IL1RAPL1: variants seen among roughly 807,000 people sequenced by gnomAD.
The protein encoded by IL1RAPL1 is interleukin-1 receptor accessory protein-like 1.
IL1RAPL1 carries 3 observed loss-of-function variants against 48.4 expected under a neutral mutation model. The ratio of observed to expected loss-of-function variants is 0.06; its 90% CI spans 0.03 to 0.16. IL1RAPL1 has a LOEUF of 0.16. Among genes scored for constraint, IL1RAPL1 ranks in the 10% least tolerant of loss-of-function variants. The pLI is 1.00. For missense variants in IL1RAPL1, 349 were observed against 530.6 expected, an observed-to-expected ratio of 0.66 and a Z score of 3.36; for synonymous variants, 185 against 187.7, an observed-to-expected ratio of 0.99 and a Z score of 0.12.
Position 29,858,636 on chromosome X carries a change from T to G in IL1RAPL1, c.779-58828T>G, listed in dbSNP as rs144732455. ...GCACCATGAATTTGTTCCTAAAATC[T>G]GTGTATCTCAAGATCTTCCCAGTGA... On this transcript the variant is annotated intron_variant, in intron 6 of 10. Transcript: ENST00000378993. Among the ~76,000 whole-genome samples, 191 of 111,653 alleles carry G rather than the reference T, an allele frequency of 1.7e-3. 1 individual carries two copies. The highest frequency in any genetic ancestry group is 5.8e-3 in the African/African-American group (178 of 30,744).
rs924573593 is a variant in IL1RAPL1, at chrX:28,921,834, C to T, written c.82+132409C>T. On this transcript the variant is annotated intron_variant, in intron 2 of 10. Coordinates refer to ENST00000378993, the MANE Select transcript of IL1RAPL1 (RefSeq NM_014271.4). ...AAGAGGTAACTGATTTCTGATGAAC[C>T]GGTAGGCATTTTAGCCACTAACCAA... Among the ~76,000 whole-genome samples the T allele has an allele frequency of 1.2e-4, 13 of 112,085 alleles. 1 individual carries two copies. The highest frequency in any genetic ancestry group is 3.8e-5 in the Non-Finnish European group (2 of 53,270).
At chrX:29,143,917 A>G in intron 2 of IL1RAPL1, among the ~76,000 whole-genome samples, 1 of 111,916 alleles carries the variant, frequency 8.9e-6, no homozygotes, top group Non-Finnish European at 1.9e-5. Flanking sequence ...ATGTCGATAC[A>G]ACAGTGGTTG....
chrX:28,639,104 T>C (rs1353786756), intron 1 of IL1RAPL1, among the ~76,000 whole-genome samples: 1 of 112,074 alleles, frequency 8.9e-6, no homozygotes, highest in African/African-American at 3.2e-5. Context: ...GATTGAAAGA[T>C]ACATAAAACA....
chrX:29,378,369 C>A (rs1182420326), intron 3 of IL1RAPL1, among the ~76,000 whole-genome samples: 2 of 111,054 alleles, frequency 1.8e-5, no homozygotes, highest in African/African-American at 6.7e-5. Flanking sequence ...TTATGTCTGT[C>A]ATTTTAGTCG....
chrX:29,326,627 GT>G (rs1456570645), intron 3 of IL1RAPL1, among the ~76,000 whole-genome samples: 4 of 112,199 alleles, frequency 3.6e-5, no homozygotes, highest in African/African-American at 1.3e-4. Context: ...TTTAATTTAT[GT>G]TTTAAATATC....
chrX:29,829,627 C>T (rs756912937), intron 6 of IL1RAPL1, among the ~76,000 whole-genome samples: 26 of 111,393 alleles, frequency 2.3e-4, no homozygotes, highest in Non-Finnish European at 4.1e-4. Context: ...TTTGACAAGT[C>T]ACTAATTATC....
intron 5 of IL1RAPL1, among the ~76,000 whole-genome samples, chrX:29,464,102 T>C (rs1934835422): frequency 8.9e-6 from 1 of 112,776 alleles, no homozygotes; most frequent in African/African-American, 3.2e-5. Context: ...ATATCTTTAA[T>C]ATATGTGTAA....
intron 1 of IL1RAPL1, among the ~76,000 whole-genome samples, chrX:28,614,538 T>C (rs1022199156): frequency 2.7e-5 from 3 of 111,672 alleles, no homozygotes; most frequent in Non-Finnish European, 3.8e-5. Context: ...AATGTGGTGA[T>C]TTTCAGTGGC....
intron 6 of IL1RAPL1, among the ~76,000 whole-genome samples, chrX:29,793,393 G>A (rs2147163630): frequency 8.9e-6 from 1 of 112,356 alleles, no homozygotes; most frequent in East Asian, 2.8e-4. Context: ...GTTATCAAGA[G>A]ACCACCTATT....
At chrX:29,161,544 A>T (rs1228994323) in intron 2 of IL1RAPL1, among the ~76,000 whole-genome samples, 5 of 112,408 alleles carry the variant, frequency 4.4e-5, no homozygotes, top group Non-Finnish European at 7.5e-5. Context: ...ATAAGTAAAT[A>T]AAAATGTTCA....
At chrX:29,131,103 A>G (rs1017980938) in intron 2 of IL1RAPL1, among the ~76,000 whole-genome samples, 4 of 110,762 alleles carry the variant, frequency 3.6e-5, no homozygotes, top group Non-Finnish European at 5.7e-5. Context: ...ATTTCACATT[A>G]CATATAGTAG....
At chrX:29,039,367 C>T (rs1187146996) in intron 2 of IL1RAPL1, among the ~76,000 whole-genome samples, 1 of 111,825 alleles carries the variant, frequency 8.9e-6, no homozygotes, top group African/African-American at 3.2e-5. Context: ...CTCTGCTTTC[C>T]TACTTCTTTT....
At position 29,715,027 on chromosome X, in the gene IL1RAPL1, A is replaced by C. The variant is rs139798517; in HGVS notation, c.778+46523A>C. Reference sequence around the variant, plus strand: ...CAGGTAATCTGATTTGATTTTCCTCATATACCTCGGGGCATCCTGCTTTGG... The same window carrying C: ...CAGGTAATCTGATTTGATTTTCCTCCTATACCTCGGGGCATCCTGCTTTGG... On this transcript the variant is annotated intron_variant, in intron 6 of 10. Coordinates refer to ENST00000378993, the MANE Select transcript of IL1RAPL1 (RefSeq NM_014271.4). Among the ~76,000 whole-genome samples, 511 of 112,072 alleles carry C rather than the reference A, an allele frequency of 4.6e-3. 4 individuals are homozygous for C. The highest frequency in any genetic ancestry group is 0.016 in the African/African-American group (491 of 30,887).
chrX:28,789,219 C>A, intron 1 of IL1RAPL1, 101 bp from the exon 2 acceptor site: 1 of 493,232 alleles, frequency 2.0e-6, no homozygotes, highest in South Asian at 2.9e-5. Flanking sequence ...TTGTGTAATT[C>A]ATTGCACCGA....
intron 5 of IL1RAPL1, among the ~76,000 whole-genome samples, chrX:29,537,936 C>T (rs1438360339): frequency 9.0e-6 from 1 of 111,394 alleles, no homozygotes; most frequent in African/African-American, 3.3e-5. Context: ...AACATGTAAA[C>T]TGACCATTAA....
intron 3 of IL1RAPL1, among the ~76,000 whole-genome samples, chrX:29,341,856 G>C (rs892651021): frequency 9.0e-6 from 1 of 111,165 alleles, no homozygotes; most frequent in Non-Finnish European, 1.9e-5. Flanking sequence ...ACCCAGGCTG[G>C]AGTGCAGTGG....
chrX:28,591,161 G>A lies in IL1RAPL1; in HGVS notation c.-25+3114G>A, dbSNP rs539348348. Reference sequence around the variant, plus strand: ...ATGTAGTTAGGTTAGAAAATATTTGGGAAAAAAAGAAATACCATTTATGAA... The same window carrying A: ...ATGTAGTTAGGTTAGAAAATATTTGAGAAAAAAAGAAATACCATTTATGAA... On this transcript the variant is annotated intron_variant, in intron 1 of 10. Coordinates refer to ENST00000378993, the MANE Select transcript of IL1RAPL1 (RefSeq NM_014271.4). Among the ~76,000 whole-genome samples the A allele has an allele frequency of 2.5e-3, 275 of 111,151 alleles. 1 individual carries two copies. Among genetic ancestry groups the A allele is most frequent in the African/African-American group, 8.5e-3 (260 of 30,663 alleles).
rs868085158 is a variant in IL1RAPL1 at position 29,427,003 on chromosome X, A to T, written c.703+27695A>T. Among the ~76,000 whole-genome samples the T allele has an allele frequency of 3.1e-3, 327 of 104,829 alleles. 3 individuals are homozygous for T. The highest frequency in any genetic ancestry group is 9.8e-3 in the African/African-American group (276 of 28,074). 91.0% of individuals were successfully genotyped at this position (104,829 alleles called of 115,157 possible). A position where few individuals can be genotyped will look rare whatever the true frequency, so the allele number is the denominator to read the frequency against. On this transcript the variant is annotated intron_variant, in intron 5 of 10. Coordinates refer to ENST00000378993, the MANE Select transcript of IL1RAPL1 (RefSeq NM_014271.4). ...TTGGATTTTAAAAACCTTTTTAAAA[A>T]AAAAAAAAAAAGATTTGCATATTAT...
chrX:29,882,428 A>G (rs940029528), intron 6 of IL1RAPL1, among the ~76,000 whole-genome samples: 1 of 111,915 alleles, frequency 8.9e-6, no homozygotes, highest in African/African-American at 3.2e-5. Flanking sequence ...CTCATCTTCC[A>G]TAAACTGGAA....
Sources: gnomAD v4.1 joint callset for allele counts (sites outside exome capture counted in the v4.1 genomes callset) on GRCh38, gnomAD v4.1.1 for gene constraint, MANE v1.5 for transcripts, NCBI Gene and HGNC (gene_info 2026-07-23, HGNC 2026-07-21) for gene names.